The following DOK7 variants were observed in gnomAD, a reference collection of about 807,000 sequenced individuals.
DOK7 encodes protein Dok-7.
Under a neutral mutation model 30.7 loss-of-function variants are expected in DOK7, and 32 were observed. That is an observed-to-expected ratio of 1.04 (90% CI 0.79 to 1.40). The LOEUF (loss-of-function observed/expected upper bound fraction) is 1.40, where lower values mean the gene tolerates loss of function less well. Ranked by LOEUF, DOK7 falls within the 40% of genes most tolerant of loss-of-function variation. The probability of loss-of-function intolerance (pLI) is 0.00; values close to 1 mark genes in which losing one functional copy is unlikely to be tolerated. For missense variants in DOK7, 1,007 were observed against 699.2 expected (o/e 1.44, Z -4.97); for synonymous variants, 447 against 324.1 (o/e 1.38, Z -4.07).
chr4:3,497,317 G>T (rs1348154930), downstream of DOK7, among the ~76,000 whole-genome samples: 9 of 152,072 alleles, frequency 5.9e-5, no homozygotes, highest in Non-Finnish European at 8.8e-5. Context: ...CAGCGGTGGG[G>T]GCCTGTGGAG....
At chr4:3,496,918 GT>G, downstream of DOK7, 1 of 1,489,196 alleles carries the variant, frequency 6.7e-7, no homozygotes, top group South Asian at 1.2e-5. Context: ...GGGAGTCTGG[GT>G]GGGCGCAGAT....
At chr4:3,468,927 G>A (rs1182021760) in intron 2 of DOK7, among the ~76,000 whole-genome samples, 1 of 141,620 alleles carries the variant, frequency 7.1e-6, no homozygotes, top group Non-Finnish European at 1.5e-5. Flanking sequence ...GTGTGTATGA[G>A]TGTGCGTGCT....
chr4:3,490,812 CATTCATTCCT>C, intron 6 of DOK7, among the ~76,000 whole-genome samples: 1 of 59,822 alleles, frequency 1.7e-5, no homozygotes, highest in Admixed American at 2.1e-4. Flanking sequence ...CCCCCCCGCT[CATTCATTCCT>C]GCCTTCCCCC....
At chr4:3,487,838 G>A (rs1727912307) in intron 5 of DOK7, among the ~76,000 whole-genome samples, 1 of 152,238 alleles carries the variant, frequency 6.6e-6, no homozygotes, top group South Asian at 2.1e-4. Context: ...GGTGGCCCTG[G>A]TCGGAATGTC....
At position 3,489,895 on chromosome 4, in the gene DOK7, TCTGCTCATTCATTCATTCCTTCTGTCTC is replaced by T. The variant is rs1436249517; in HGVS notation, c.772+114_772+141del. The stretch of plus-strand genomic sequence containing the variant: ...GCATGTGTGGGGGCTGCAGGCTCCC[TCTGCTCATTCATTCATTCCTTCTGTCTC>T]CTGCTCATTCATTCTTCCCCCAACT... On this transcript the variant is annotated intron_variant, in intron 6 of 6. Coordinates refer to ENST00000340083, the MANE Select transcript of DOK7 (RefSeq NM_173660.5). 512 of 1,480,116 alleles carry T rather than the reference TCTGCTCATTCATTCATTCCTTCTGTCTC, an allele frequency of 3.5e-4. 1 individual carries two copies. The highest frequency in any genetic ancestry group is 2.7e-3 in the Middle Eastern group (15 of 5,658). 91.7% of individuals were successfully genotyped at this position (1,480,116 alleles called of 1,614,324 possible). A position where few individuals can be genotyped will look rare whatever the true frequency, so the allele number is the denominator to read the frequency against.
In DOK7 at chr4:3,489,719, C is replaced by G; in HGVS notation, c.695C>G (p.Ala232Gly). The G allele has an allele frequency of 6.4e-7, 1 of 1,564,490 alleles. No homozygotes were observed. Among genetic ancestry groups the G allele is most frequent in the Non-Finnish European group, 8.7e-7 (1 of 1,154,586 alleles). ...CCCTCGACTGTGGAGGAGCGTGTGG[C>G]CCAGGAAGCCCTGGAAACCCTACAG... ...PGPSTVEERV[A>G]QEALETLQLE... Residue 232 changes from alanine to glycine, a missense_variant, in exon 6 of 7, where the codon GCC (alanine) becomes GGC (glycine). Physicochemically the swap from Ala to Gly is moderately conservative, Grantham distance 60 (BLOSUM62 0). Coordinates refer to ENST00000340083, the MANE Select transcript of DOK7 (RefSeq NM_173660.5).
intron 6 of DOK7, among the ~76,000 whole-genome samples, chr4:3,490,068 C>CCATTCCTTTCTTCCCCCCCTCATT (rs1728117728): frequency 5.9e-5 from 4 of 67,508 alleles, no homozygotes; most frequent in Admixed American, 1.6e-4. Flanking sequence ...CTTCCTCCCC[C>CCATTCCTTTCTTCCCCCCCTCATT]CATTCCTTTC....
chr4:3,493,868 C>T lies in DOK7; in HGVS notation c.*367C>T, dbSNP rs998051178. On this transcript the variant is annotated 3_prime_UTR_variant, in exon 7 of 7. Transcript: ENST00000340083. ...GAGGCCCTGCCGCTGGCCTTGTCCT[C>T]CTTGGGCCTCACGCCCCCTTCGGGG... 1.1e-5 allele frequency: 13 copies of T among 1,135,742 alleles called. No individual in the cohort carries two copies. The South Asian group carries it at 1.5e-4, about 13-fold the overall frequency. The allele number at this position is 1,135,742 out of a possible 1,614,324, so 70.4% of individuals were successfully genotyped here. A position where few individuals can be genotyped will look rare whatever the true frequency, so the allele number is the denominator to read the frequency against.
intron 3 of DOK7, among the ~76,000 whole-genome samples, 186 bp from the exon 4 acceptor site, chr4:3,476,156 G>A (rs116334007): frequency 0.15 from 15,471 of 106,208 alleles, 1,449 homozygotes; most frequent in East Asian, 0.21. Flanking sequence ...CCGCCTGACC[G>A]TGATGCCCTC....
downstream of DOK7, among the ~76,000 whole-genome samples, chr4:3,494,709 C>A (rs536230736): frequency 2.0e-5 from 3 of 152,100 alleles, no homozygotes; most frequent in Non-Finnish European, 2.9e-5. Context: ...GGTGTGTGCA[C>A]GTGTGGCACA....
At chr4:3,491,015 TCATTCATTCCTTCCTTCCCCCC>T (rs1329656552) in intron 6 of DOK7, among the ~76,000 whole-genome samples, 1 of 94,990 alleles carries the variant, frequency 1.1e-5, no homozygotes, top group Non-Finnish European at 2.2e-5. Flanking sequence ...TTCTTCCTGC[TCATTCATTCCTTCCTTCCCCCC>T]CATTCCTTCC....
intron 2 of DOK7, among the ~76,000 whole-genome samples, chr4:3,470,357 G>A (rs538966903): frequency 1.3e-5 from 2 of 152,192 alleles, no homozygotes; most frequent in Non-Finnish European, 2.9e-5. Context: ...GAGTGGACAC[G>A]TCTTGCTGGG....
chr4:3,484,354 C>A (rs1003419221), intron 4 of DOK7, among the ~76,000 whole-genome samples: 1 of 152,216 alleles, frequency 6.6e-6, no homozygotes, highest in African/African-American at 2.4e-5. Context: ...GAAGGCAGAG[C>A]ATGACTGGGC....
intron 6 of DOK7, among the ~76,000 whole-genome samples, chr4:3,499,932 G>A (rs541109249): frequency 4.6e-5 from 7 of 151,964 alleles, no homozygotes; most frequent in South Asian, 2.1e-4. Flanking sequence ...GGGGCGCAGG[G>A]ACAGAAGAGT....
intron 2 of DOK7, among the ~76,000 whole-genome samples, chr4:3,469,817 T>TA (rs944542059): frequency 1.3e-5 from 2 of 151,982 alleles, no homozygotes; most frequent in Non-Finnish European, 2.9e-5. Context: ...CAGGATCGAT[T>TA]TATTGTTGGT....
intron 4 of DOK7, among the ~76,000 whole-genome samples, chr4:3,481,192 G>C (rs1273122561): frequency 6.6e-6 from 1 of 151,650 alleles, no homozygotes; most frequent in African/African-American, 2.4e-5. Context: ...CATTGTCTCG[G>C]AGCAGCAGGG....
At chr4:3,485,900 G>A (rs939657813) in intron 5 of DOK7, among the ~76,000 whole-genome samples, 1 of 152,198 alleles carries the variant, frequency 6.6e-6, no homozygotes, top group African/African-American at 2.4e-5. Context: ...GGGGGTCCGA[G>A]CTGTTGGAAC....
chr4:3,490,350 C>G lies in DOK7; in HGVS notation c.772+554C>G, dbSNP rs184359914. The stretch of plus-strand genomic sequence containing the variant: ...TACCTCCATTCATTCCTTCCTTTTC[C>G]CCACACTCATTCATTCCTTCCTTCC... On this transcript the variant is annotated intron_variant, in intron 6 of 6. Transcript: ENST00000340083. Among the ~76,000 whole-genome samples the G allele has an allele frequency of 4.8e-3, 592 of 124,118 alleles. 15 individuals carry two copies. The highest frequency in any genetic ancestry group is 0.018 in the African/African-American group (572 of 31,040). The allele number at this position is 124,118 out of a possible 152,430, so 81.4% of individuals were successfully genotyped here.
chr4:3,471,643 T>C (rs1385048660), intron 2 of DOK7, among the ~76,000 whole-genome samples: 1 of 152,264 alleles, frequency 6.6e-6, no homozygotes, highest in South Asian at 2.1e-4. Context: ...TTGGGTGCTC[T>C]GGTGACGCAT....
Sources: gnomAD v4.1 joint callset for allele counts (sites outside exome capture counted in the v4.1 genomes callset) on GRCh38, gnomAD v4.1.1 for gene constraint, MANE v1.5 for transcripts, NCBI Gene and HGNC (gene_info 2026-07-23, HGNC 2026-07-21) for gene names.